The following MAST3 variants were observed in gnomAD, a reference collection of about 807,000 sequenced individuals.
The protein encoded by MAST3 is microtubule-associated serine/threonine-protein kinase 3.
Under a neutral mutation model 127.0 loss-of-function variants are expected in MAST3, and 43 were observed. The ratio of observed to expected loss-of-function variants is 0.34; its 90% CI spans 0.27 to 0.44. The LOEUF is 0.44. MAST3 is among the 20% of genes least tolerant of loss of function. MAST3 has a pLI of 1.00. For synonymous variants in MAST3, 785 were observed against 809.2 expected (o/e 0.97, Z 0.51); for missense variants, 1,390 against 1,919.1 (o/e 0.72, Z 5.15).
intron 11 of MAST3, among the ~76,000 whole-genome samples, chr19:18,127,865 ATAAAT>A (rs1238409550): frequency 1.3e-5 from 2 of 152,190 alleles, no homozygotes; most frequent in Non-Finnish European, 1.5e-5. Flanking sequence ...TGTCAAATAA[ATAAAT>A]TAAATAATCA....
At chr19:18,117,870 C>T (rs62123569) in intron 3 of MAST3, among the ~76,000 whole-genome samples, 16,724 of 151,696 alleles carry the variant, frequency 0.11, 1,190 homozygotes, top group East Asian at 0.16. Flanking sequence ...CCTCTCCGCC[C>T]GCGGCCATGG....
intron 11 of MAST3, among the ~76,000 whole-genome samples, chr19:18,125,915 G>A (rs62123599): frequency 0.11 from 16,573 of 151,598 alleles, 1,144 homozygotes; most frequent in Admixed American, 0.15. Context: ...AATATTAGCC[G>A]GGTGTGGTGG....
At chr19:18,106,036 C>T (rs375618478) in intron 1 of MAST3, among the ~76,000 whole-genome samples, 2 of 152,142 alleles carry the variant, frequency 1.3e-5, no homozygotes, top group East Asian at 1.9e-4. Flanking sequence ...TTTTTAGCCA[C>T]TACTGACATA....
At chr19:18,135,024 C>T in intron 17 of MAST3, 42 bp downstream of exon 17, 1 of 1,552,854 alleles carries the variant, frequency 6.4e-7, no homozygotes, top group Non-Finnish European at 8.7e-7. Context: ...TGCAGCCCCA[C>T]CAGAGCTCTG....
intron 1 of MAST3, among the ~76,000 whole-genome samples, chr19:18,107,292 G>C (rs1297966033): frequency 2.0e-5 from 3 of 152,076 alleles, no homozygotes; most frequent in African/African-American, 7.2e-5. Flanking sequence ...GGTATGGTAG[G>C]AGCCGGGTGG....
chr19:18,143,838 T>G lies in MAST3; in HGVS notation c.2415T>G (p.Ser805=). 2 of 1,613,810 alleles carry G rather than the reference T, an allele frequency of 1.2e-6. No homozygotes were observed. The highest frequency in any genetic ancestry group is 1.7e-6 in the Non-Finnish European group (2 of 1,179,874). ...SSQPERGPSP[S]LLNTISLDTM... ...AGCCCGAGCGGGGTCCCAGCCCATC[T>G]CTCCTGAATACCATCAGCCTGGACA... The change falls in exon 22 of 28, where the codon TCT becomes TCG. Residue 805 remains serine, a synonymous_variant. Coordinates refer to ENST00000687212, the MANE Select transcript of MAST3 (RefSeq NM_001393504.1).
In MAST3 at chr19:18,112,129, G is replaced by A. The variant is rs572177658; in HGVS notation, c.161+1388G>A. Among the ~76,000 whole-genome samples, 56 of 152,368 alleles carry A rather than the reference G, an allele frequency of 3.7e-4. No individual in the cohort carries two copies. Among genetic ancestry groups the A allele is most frequent in the Admixed American group, 3.6e-3 (55 of 15,308 alleles). ...TGGCACCAGGCAGTGGGTACTGCAT[G>A]TGCAAAGGTCCTGTGGCAGGACTGA... is the stretch of plus-strand genomic sequence containing the variant. On this transcript the variant is annotated intron_variant, in intron 3 of 27. Coordinates refer to ENST00000687212, the MANE Select transcript of MAST3 (RefSeq NM_001393504.1). This position sits in a 1 kb window ranked among gnomAD's most constrained non-coding sequence, Gnocchi z 4.1.
At chr19:18,131,869 G>C in intron 14 of MAST3, 40 bp from the exon 15 acceptor site, 1 of 1,491,770 alleles carries the variant, frequency 6.7e-7, no homozygotes, top group Non-Finnish European at 9.1e-7. Context: ...GGGGGGCGGG[G>C]GTGCCCCGGG....
At position 18,147,451 on chromosome 19, in the gene MAST3, C is replaced by T. The variant is rs2043147322; in HGVS notation, c.3335C>T (p.Ser1112Leu). The T allele has an allele frequency of 6.2e-7, 1 of 1,613,248 alleles. No individual in the cohort carries two copies. Among genetic ancestry groups the T allele is most frequent in the Admixed American group, 1.7e-5 (1 of 59,934 alleles). ...CGGTTTTCTTACCCCAGGCGGAAGT[C>T]ACTTTTCAAGAAGATCTCCAAGCAG... The part of the protein sequence containing the change: ...AAVTTRERRK[S>L]LFKKISKQTS... Residue 1112 changes from serine (S) to leucine (L), a missense_variant, in exon 27 of 28, where the codon TCA becomes TTA. Coordinates refer to ENST00000687212, the MANE Select transcript of MAST3 (RefSeq NM_001393504.1).
rs529650136 is a variant in MAST3, at chr19:18,128,652, G to T, written c.1137+194G>T. ...GTGGGGGCAGTGCTGGAGGGGCACT[G>T]GACAGGTGAGTTTTGCAGGACGTGT... is the stretch of plus-strand genomic sequence containing the variant. On this transcript the variant is annotated intron_variant, in intron 12 of 27. Coordinates refer to ENST00000687212, the MANE Select transcript of MAST3 (RefSeq NM_001393504.1). 2.0e-5 allele frequency among the ~76,000 whole-genome samples: 3 copies of T among 152,334 alleles called. No homozygotes were observed. The East Asian group carries it at 5.8e-4, about 29-fold the overall frequency.
At position 18,123,658 on chromosome 19, in the gene MAST3, G is replaced by GGGCAGCGCCT; in HGVS notation, c.633+7_633+16dup. 6.4e-7 allele frequency: 1 copy of GGGCAGCGCCT among 1,566,388 alleles called. No individual in the cohort carries two copies. The highest frequency in any genetic ancestry group is 8.6e-7 in the Non-Finnish European group (1 of 1,158,422). Reference sequence around the variant, plus strand: ...TGTACCGGGAGAGGTTCCCCAAGGTGGGCAGCGCCTGGCGGCTGGACCAGC... The same window carrying GGGCAGCGCCT: ...TGTACCGGGAGAGGTTCCCCAAGGTGGGCAGCGCCTGGCAGCGCCTGGCGGCTGGACCAGC... On this transcript the variant is annotated splice_donor_region_variant and intron_variant, in intron 8 of 27. Coordinates refer to ENST00000687212, the MANE Select transcript of MAST3 (RefSeq NM_001393504.1).
At chr19:18,118,314 A>G in intron 3 of MAST3, 1 of 929,092 alleles carries the variant, frequency 1.1e-6, no homozygotes, top group Non-Finnish European at 1.3e-6. Flanking sequence ...GAGTTGCCAG[A>G]AGTGTGTCCT....
chr19:18,148,421 C>T (rs2043253156), intron 27 of MAST3, among the ~76,000 whole-genome samples: 1 of 151,584 alleles, frequency 6.6e-6, no homozygotes, highest in African/African-American at 2.4e-5. Context: ...ATGATTGCAC[C>T]ACTGCACTCC....
chr19:18,113,149 CCTCACTCACCACCG>C (rs556412612), intron 3 of MAST3, among the ~76,000 whole-genome samples: 1 of 152,206 alleles, frequency 6.6e-6, no homozygotes, highest in South Asian at 2.1e-4. Context: ...CATAAGGCTG[CCTCACTCACCACCG>C]GGGGGCAGCA....
chr19:18,131,749 C>T (rs2041315998), intron 14 of MAST3, among the ~76,000 whole-genome samples, 160 bp from the exon 15 acceptor site: 1 of 152,186 alleles, frequency 6.6e-6, no homozygotes, highest in Non-Finnish European at 1.5e-5. Flanking sequence ...AGGGTCCGCC[C>T]CTTCCCTCTC....
At chr19:18,115,539 G>C (rs1335880317) in intron 3 of MAST3, among the ~76,000 whole-genome samples, 1 of 151,946 alleles carries the variant, frequency 6.6e-6, no homozygotes, top group African/African-American at 2.4e-5. Context: ...CCCCGCATGA[G>C]GCTTGGGCTG....
intron 20 of MAST3, among the ~76,000 whole-genome samples, chr19:18,141,407 C>T (rs545097479): frequency 2.1e-5 from 2 of 93,872 alleles, no homozygotes; most frequent in South Asian, 7.1e-4. Flanking sequence ...GAGTCTCGCT[C>T]TGTCTCCTAG....
chr19:18,119,280 C>T (rs1231982274), intron 3 of MAST3, among the ~76,000 whole-genome samples: 1 of 152,122 alleles, frequency 6.6e-6, no homozygotes, highest in Non-Finnish European at 1.5e-5. Flanking sequence ...CTTTTGGAAG[C>T]AGCAAGTGAT....
chr19:18,111,865 T>A (rs2038689660), intron 3 of MAST3, among the ~76,000 whole-genome samples: 1 of 152,090 alleles, frequency 6.6e-6, no homozygotes, highest in Non-Finnish European at 1.5e-5. Flanking sequence ...GAGCCCACAT[T>A]TGGGTGCTGG....
Sources: gnomAD v4.1 joint callset for allele counts (sites outside exome capture counted in the v4.1 genomes callset) on GRCh38, gnomAD v4.1.1 for gene constraint, Gnocchi (gnomAD v3.1) non-coding constraint, MANE v1.5 for transcripts, NCBI Gene and HGNC (gene_info 2026-07-23, HGNC 2026-07-21) for gene names.